The following NLGN4X variants were observed in gnomAD, a reference collection of about 807,000 sequenced individuals.
NLGN4X encodes the protein neuroligin 4 X-linked.
In NLGN4X, 3 loss-of-function variants were observed where a neutral mutation model predicts 40.3. That is an observed-to-expected ratio of 0.07 (90% CI 0.03 to 0.19). NLGN4X has a LOEUF of 0.19. NLGN4X is among the 10% of genes least tolerant of loss of function. NLGN4X has a pLI of 1.00. For synonymous variants in NLGN4X, 270 were observed against 306.8 expected (o/e 0.88, Z 1.25); for missense variants, 382 against 708.3 (o/e 0.54, Z 5.23).
chrX:6,045,976 T>C (rs1029130447), intron 2 of NLGN4X, among the ~76,000 whole-genome samples: 7 of 111,824 alleles, frequency 6.3e-5, no homozygotes, highest in Non-Finnish European at 1.1e-4. Context: ...CTAAATAATT[T>C]AGAATGAGTC....
At chrX:5,927,659 C>A (rs547119821) in intron 3 of NLGN4X, among the ~76,000 whole-genome samples, 7 of 112,227 alleles carry the variant, frequency 6.2e-5, no homozygotes, top group Middle Eastern at 4.6e-3. Context: ...GGCATTAGGA[C>A]TCACATCCCC....
chrX:6,110,994 A>C (rs2039135521), intron 2 of NLGN4X, among the ~76,000 whole-genome samples: 1 of 111,609 alleles, frequency 9.0e-6, no homozygotes, highest in Admixed American at 9.5e-5. Context: ...CTGCCCAGCA[A>C]AGCGAAGCTA....
At chrX:6,208,771 C>T (rs977512106) in intron 1 of NLGN4X, among the ~76,000 whole-genome samples, 9 of 111,878 alleles carry the variant, frequency 8.0e-5, no homozygotes, top group African/African-American at 2.3e-4. Flanking sequence ...AATCCACATA[C>T]ACTGTTGATG....
intron 3 of NLGN4X, among the ~76,000 whole-genome samples, chrX:5,938,966 CGTGTGTGTGTGTGT>C (rs60927853): frequency 1.4e-4 from 14 of 101,972 alleles, no homozygotes; most frequent in African/African-American, 5.0e-4. Flanking sequence ...TGTGTGTGTG[CGTGTGTGTGTGTGT>C]GTGTGTGTGT....
chrX:5,957,042 CAGAG>C (rs2034516550), intron 3 of NLGN4X, among the ~76,000 whole-genome samples: 1 of 110,157 alleles, frequency 9.1e-6, no homozygotes, highest in Non-Finnish European at 1.9e-5. Flanking sequence ...CAGTCAGAGA[CAGAG>C]AGAGACAAAG....
At position 6,182,747 on chromosome X, in the gene NLGN4X, A is replaced by G. The variant is rs772351741; in HGVS notation, c.-305-30976T>C. 3.6e-5 allele frequency among the ~76,000 whole-genome samples: 4 copies of G among 111,682 alleles called. No homozygotes were observed. In the East Asian group the frequency reaches 1.1e-3, roughly 32 times the overall value. ...ACCTGCCACAACAGCTAAGGAACGC[A>G]GGTAGCCTCCATGGGGGAAAACGAC... is the stretch of plus-strand genomic sequence containing the variant. On this transcript the variant is annotated intron_variant, in intron 1 of 5. Coordinates refer to ENST00000381095, the MANE Select transcript of NLGN4X (RefSeq NM_181332.3).
At chrX:5,950,013 C>A (rs976587162) in intron 3 of NLGN4X, among the ~76,000 whole-genome samples, 4 of 111,640 alleles carry the variant, frequency 3.6e-5, no homozygotes, top group Non-Finnish European at 7.5e-5. Context: ...GCAAATCAGA[C>A]GGGTTTGGGA....
intron 2 of NLGN4X, among the ~76,000 whole-genome samples, chrX:6,116,310 A>C (rs1314255284): frequency 2.0e-5 from 2 of 101,582 alleles, no homozygotes; most frequent in Non-Finnish European, 4.0e-5. Flanking sequence ...AAAAAAAAAA[A>C]AAAAAAACAC....
intron 2 of NLGN4X, among the ~76,000 whole-genome samples, chrX:6,050,842 T>C (rs1602136340): frequency 1.8e-5 from 2 of 111,565 alleles, no homozygotes; most frequent in African/African-American, 6.5e-5. Context: ...CCTATCTGCT[T>C]ACCTATTTAT....
chrX:6,039,656 C>T (rs2037107645), intron 2 of NLGN4X, among the ~76,000 whole-genome samples: 1 of 112,225 alleles, frequency 8.9e-6, no homozygotes, highest in African/African-American at 3.2e-5. Context: ...CATTATCAGA[C>T]AATACATTTG....
intron 2 of NLGN4X, among the ~76,000 whole-genome samples, chrX:6,145,105 A>G (rs1309835435): frequency 9.0e-6 from 1 of 111,643 alleles, no homozygotes; most frequent in Non-Finnish European, 1.9e-5. Context: ...TGCTCATTCC[A>G]GACACCTTAT....
At chrX:6,052,057 T>C (rs981553902) in intron 2 of NLGN4X, among the ~76,000 whole-genome samples, 2 of 110,330 alleles carry the variant, frequency 1.8e-5, no homozygotes, top group African/African-American at 6.6e-5. Flanking sequence ...GGGGGACCTC[T>C]AGGAGCTGAC....
chrX:5,978,564 C>T (rs891535727), intron 3 of NLGN4X, among the ~76,000 whole-genome samples: 4 of 111,246 alleles, frequency 3.6e-5, no homozygotes, highest in Admixed American at 9.7e-5. Context: ...GCACAAAATC[C>T]TATCAAACAT....
chrX:6,101,927 A>G (rs1373298192), intron 2 of NLGN4X, among the ~76,000 whole-genome samples: 1 of 108,285 alleles, frequency 9.2e-6, no homozygotes, highest in Non-Finnish European at 1.9e-5. Flanking sequence ...CTCCTGCCTC[A>G]GCCTCCTGAG....
intron 2 of NLGN4X, among the ~76,000 whole-genome samples, chrX:6,143,809 G>C (rs1291746455): frequency 7.1e-5 from 8 of 112,086 alleles, no homozygotes; most frequent in African/African-American, 2.6e-4. Context: ...ACATAGGAAG[G>C]CTCCAACTCT....
At chrX:6,024,411 G>C (rs1177811112) in intron 3 of NLGN4X, among the ~76,000 whole-genome samples, 1 of 111,016 alleles carries the variant, frequency 9.0e-6, no homozygotes, top group Non-Finnish European at 1.9e-5. Flanking sequence ...ATATATGTCA[G>C]AGACGTTTGA....
chrX:6,183,979 C>T (rs1347547693), intron 1 of NLGN4X, among the ~76,000 whole-genome samples: 2 of 112,269 alleles, frequency 1.8e-5, no homozygotes, highest in African/African-American at 6.5e-5. Flanking sequence ...CAATTATTCA[C>T]TCTCAGTTAA....
intron 2 of NLGN4X, among the ~76,000 whole-genome samples, chrX:6,144,533 G>A (rs1342983935): frequency 2.7e-5 from 3 of 111,164 alleles, no homozygotes; most frequent in Non-Finnish European, 5.7e-5. Context: ...GAGGGCTGTC[G>A]GGCTCCTTGC....
At chrX:6,208,573 G>A (rs1008407384) in intron 1 of NLGN4X, among the ~76,000 whole-genome samples, 10 of 111,696 alleles carry the variant, frequency 9.0e-5, no homozygotes, top group Non-Finnish European at 1.9e-4. Flanking sequence ...TACACGTCGG[G>A]GCTACTAGAA....
Sources: gnomAD v4.1 joint callset for allele counts (sites outside exome capture counted in the v4.1 genomes callset) on GRCh38, gnomAD v4.1.1 for gene constraint, MANE v1.5 for transcripts, NCBI Gene and HGNC (gene_info 2026-07-23, HGNC 2026-07-21) for gene names.